EIF3H: variants seen among roughly 807,000 people sequenced by gnomAD.
EIF3H encodes the protein eIF-3-gamma.
Under a neutral mutation model 44.2 loss-of-function variants are expected in EIF3H, and 26 were observed. That is an observed-to-expected ratio of 0.59 (90% CI 0.43 to 0.82). EIF3H has a LOEUF of 0.82. Ranked by LOEUF, EIF3H falls within the 40% of genes least tolerant of loss-of-function variation. EIF3H has a pLI of 0.00. For missense variants in EIF3H, 359 were observed against 432.8 expected (o/e 0.83, Z 1.51); for synonymous variants, 166 against 151.9 (o/e 1.09, Z -0.68).
chr8:116,686,287 A>G (rs556346361), intron 2 of EIF3H, among the ~76,000 whole-genome samples: 4 of 152,258 alleles, frequency 2.6e-5, no homozygotes, highest in Admixed American at 6.5e-5. Context: ...GCATCTCATC[A>G]GGAGTTGATT....
intron 2 of EIF3H, among the ~76,000 whole-genome samples, chr8:116,723,737 A>C (rs1814790841): frequency 6.6e-6 from 1 of 152,248 alleles, no homozygotes; most frequent in African/African-American, 2.4e-5. Flanking sequence ...AATTTACAAT[A>C]GCATCACAAA....
intron 6 of EIF3H, among the ~76,000 whole-genome samples, chr8:116,648,093 A>G (rs1813334739): frequency 6.6e-6 from 1 of 152,226 alleles, no homozygotes; most frequent in Non-Finnish European, 1.5e-5. Context: ...TATATTTAAC[A>G]AAGCTCTGTT....
chr8:116,674,331 T>TG (rs1160502309), intron 2 of EIF3H, among the ~76,000 whole-genome samples: 27 of 24,102 alleles, frequency 1.1e-3, no homozygotes, highest in African/African-American at 4.4e-4. Flanking sequence ...TGGGGGGGGG[T>TG]GGGGGGGAAG....
At chr8:116,679,580 A>G (rs867574262) in intron 2 of EIF3H, among the ~76,000 whole-genome samples, 43 of 9,814 alleles carry the variant, frequency 4.4e-3, no homozygotes, top group Admixed American at 7.1e-3. Context: ...ATCCGGGAGG[A>G]AGGTGGGGGG....
chr8:116,707,354 T>C (rs949231308), intron 2 of EIF3H, among the ~76,000 whole-genome samples: 2 of 152,198 alleles, frequency 1.3e-5, no homozygotes, highest in Admixed American at 6.5e-5. Context: ...TTTAGTGAAG[T>C]TGATATTGTT....
chr8:116,655,975 G>A lies in EIF3H; in HGVS notation c.588C>T (p.Tyr196=). The change falls in exon 5 of 8, where the codon TAC becomes TAT. Residue 196 remains tyrosine, a synonymous_variant. Transcript: ENST00000521861. ...TTACAATCGGCACTTCTTCAAACAT[G>A]TACTCAAAGGTGATATTTGCTTTTT... ...ALKKANITFE[Y]MFEEVPIVIK... is the part of the protein sequence containing the mutation. The A allele has an allele frequency of 6.2e-7, 1 of 1,613,376 alleles. No individual in the cohort carries two copies. The highest frequency in any genetic ancestry group is 8.5e-7 in the Non-Finnish European group (1 of 1,179,640).
intron 1 of EIF3H, among the ~76,000 whole-genome samples, chr8:116,747,898 C>G (rs1376330949): frequency 6.6e-6 from 1 of 152,136 alleles, no homozygotes; most frequent in Non-Finnish European, 1.5e-5. Context: ...TCACCTGAGA[C>G]CAGGAGTTCG....
intron 2 of EIF3H, among the ~76,000 whole-genome samples, chr8:116,674,067 C>CAAAAAAAAAAAAAAAAAAAA (rs59899280): frequency 2.0e-5 from 1 of 49,660 alleles, no homozygotes; most frequent in African/African-American, 9.2e-5. Flanking sequence ...AAGACTGTCT[C>CAAAAAAAAAAAAAAAAAAAA]AAAAAAAAAA....
chr8:116,722,740 A>G lies in EIF3H; in HGVS notation c.289+3276T>C, dbSNP rs543092684. Among the ~76,000 whole-genome samples the G allele has an allele frequency of 2.6e-5, 4 of 152,250 alleles. No homozygotes were observed. The East Asian group carries it at 7.7e-4, about 29-fold the overall frequency. On this transcript the variant is annotated intron_variant, in intron 2 of 7. Coordinates refer to ENST00000521861, the MANE Select transcript of EIF3H (RefSeq NM_003756.3). ...TTTTTCTTATCAGTTAAAGGTCCTA[A>G]ATGATCATTTTTTTTAAAAAATCTA...
At chr8:116,689,949 A>C (rs531112169) in intron 2 of EIF3H, among the ~76,000 whole-genome samples, 1 of 152,314 alleles carries the variant, frequency 6.6e-6, no homozygotes, top group African/African-American at 2.4e-5. Context: ...TGGTGGCTTG[A>C]TAATGCCATA....
intron 2 of EIF3H, among the ~76,000 whole-genome samples, chr8:116,704,797 CTACT>C (rs1390327421): frequency 1.3e-5 from 2 of 150,918 alleles, no homozygotes; most frequent in African/African-American, 4.9e-5. Flanking sequence ...ACAACACAAA[CTACT>C]TACGGCTATT....
intron 1 of EIF3H, among the ~76,000 whole-genome samples, chr8:116,746,478 A>G (rs1371199606): frequency 6.6e-6 from 1 of 152,240 alleles, no homozygotes; most frequent in Non-Finnish European, 1.5e-5. Flanking sequence ...ATAACACAGA[A>G]TAACTACTGG....
intron 2 of EIF3H, among the ~76,000 whole-genome samples, chr8:116,713,132 AT>A (rs1308200173): frequency 6.6e-6 from 1 of 152,156 alleles, no homozygotes; most frequent in Non-Finnish European, 1.5e-5. Context: ...TTTTTATTTA[AT>A]TAAAATTTAA....
chr8:116,725,155 A>T (rs930131560), intron 2 of EIF3H, among the ~76,000 whole-genome samples: 3 of 152,234 alleles, frequency 2.0e-5, no homozygotes, highest in Non-Finnish European at 4.4e-5. Context: ...CTTTTAGGAC[A>T]TTATGCTAAA....
chr8:116,713,594 G>A (rs566414638), intron 2 of EIF3H, among the ~76,000 whole-genome samples: 8 of 152,008 alleles, frequency 5.3e-5, no homozygotes, highest in South Asian at 2.1e-4. Flanking sequence ...ATGAAAATAC[G>A]AGAACTGATG....
chr8:116,657,258 T>C lies in EIF3H; in HGVS notation c.514A>G (p.Lys172Glu), dbSNP rs764001439. 3.1e-6 allele frequency: 5 copies of C among 1,613,686 alleles called. No homozygotes were observed. The African/African-American group carries it at 6.7e-5, about 22-fold the overall frequency. Reference protein sequence around the residue: ...LSLKAYRLTPKLMEVCKEKDF... With the variant: ...LSLKAYRLTPELMEVCKEKDF... ...TTTTCTTTACAAACTTCCATCAGTT[T>C]AGGAGTCAGTCTGTATGCCTTTAGT... is the stretch of plus-strand genomic sequence containing the variant. Residue 172 changes from lysine to glutamate, a missense_variant, in exon 4 of 8, where the codon AAA becomes GAA. Lys to Glu is a moderately conservative substitution (Grantham distance 56). This residue lies in a region of EIF3H where 85 missense variants were observed against 79.2 expected (regional missense o/e 1.07). Coordinates refer to ENST00000521861, the MANE Select transcript of EIF3H (RefSeq NM_003756.3).
intron 2 of EIF3H, among the ~76,000 whole-genome samples, chr8:116,661,562 A>G (rs1469315007): frequency 1.3e-5 from 2 of 152,238 alleles, no homozygotes; most frequent in East Asian, 1.9e-4. Context: ...TCAAAACGCT[A>G]TTATTCCACA....
At chr8:116,696,262 A>G (rs75113194) in intron 2 of EIF3H, among the ~76,000 whole-genome samples, 291 of 152,358 alleles carry the variant, frequency 1.9e-3, no homozygotes, top group Non-Finnish European at 3.2e-3. Flanking sequence ...GAAACATTGC[A>G]AAAGGGCACA....
At chr8:116,665,670 A>G (rs1217027606) in intron 2 of EIF3H, among the ~76,000 whole-genome samples, 4 of 152,342 alleles carry the variant, frequency 2.6e-5, no homozygotes, top group Admixed American at 1.3e-4. Context: ...TAGGACTTTT[A>G]AGAATAAAAT....
Sources: gnomAD v4.1 joint callset for allele counts (sites outside exome capture counted in the v4.1 genomes callset) on GRCh38, gnomAD v4.1.1 for gene constraint, gnomAD v4.1.1 regional missense constraint, MANE v1.5 for transcripts, NCBI Gene and HGNC (gene_info 2026-07-23, HGNC 2026-07-21) for gene names.